The following BLCAP variants were observed in gnomAD, a reference collection of about 807,000 sequenced individuals.
BLCAP encodes the protein BLCAP apoptosis inducing factor.
Under a neutral mutation model 5.7 loss-of-function variants are expected in BLCAP, and 1 was observed. That is an observed-to-expected ratio of 0.18 (90% CI 0.06 to 0.83). The LOEUF is 0.83. Ranked by LOEUF, BLCAP falls within the 40% of genes least tolerant of loss-of-function variation. The pLI is 0.71. For missense variants in BLCAP, 66 were observed against 107.6 expected (o/e 0.61, Z 1.71); for synonymous variants, 48 against 49.4 (o/e 0.97, Z 0.11).
At position 37,521,337 on chromosome 20, in the gene BLCAP, G is replaced by C. The variant is rs1158612264; in HGVS notation, c.-176-1987C>G. On this transcript the variant is annotated intron_variant, in intron 1 of 1. Transcript: ENST00000373537. This position sits in a 1 kb window ranked among gnomAD's most constrained non-coding sequence, Gnocchi z 4.5. Reference sequence around the variant, plus strand: ...CACCTACCATTCTTGGAACCATGGCGGCAGTGGCGGCGGCCTCGGCTGAAC... The same window carrying C: ...CACCTACCATTCTTGGAACCATGGCCGCAGTGGCGGCGGCCTCGGCTGAAC... 5.6e-6 allele frequency: 9 copies of C among 1,613,910 alleles called. No individual in the cohort carries two copies. The highest frequency in any genetic ancestry group is 6.8e-6 in the Non-Finnish European group (8 of 1,179,930).
chr20:37,527,360 T>TC lies in BLCAP; in HGVS notation c.-177+432dup, dbSNP rs1315502205. On this transcript the variant is annotated intron_variant, in intron 1 of 1. Coordinates refer to ENST00000373537, the MANE Select transcript of BLCAP (RefSeq NM_006698.4). ...CCCCTCACCCCCACGTCCCCCCACC[T>TC]CCCCCCCAAAAAAGCAACTAAAGCA... 4.8e-3 allele frequency among the ~76,000 whole-genome samples: 204 copies of TC among 42,824 alleles called. 1 individual carries two copies. Among genetic ancestry groups the TC allele is most frequent in the African/African-American group, 0.016 (185 of 11,832 alleles). The allele number at this position is 42,824 out of a possible 152,430, so 28.1% of individuals were successfully genotyped here.
intron 1 of BLCAP, chr20:37,523,734 T>TA (rs1379127934): frequency 2.0e-5 from 3 of 152,552 alleles, no homozygotes; most frequent in African/African-American, 7.2e-5. Context: ...CATACACTTC[T>TA]AAGACTCAGC....
intron 1 of BLCAP, among the ~76,000 whole-genome samples, chr20:37,524,786 G>A (rs2071691256): frequency 6.6e-6 from 1 of 152,090 alleles, no homozygotes; most frequent in Non-Finnish European, 1.5e-5. Flanking sequence ...ACTTCATTCG[G>A]TATCAGAGAA....
intron 1 of BLCAP, chr20:37,526,553 T>C (rs778148065): frequency 6.6e-6 from 1 of 152,114 alleles, no homozygotes; most frequent in East Asian, 1.9e-4. Flanking sequence ...GCGTGGTTCT[T>C]GGTATATCGC....
chr20:37,518,902 G>T lies in BLCAP; in HGVS notation c.*9C>A, dbSNP rs894761562. The T allele has an allele frequency of 4.3e-6, 7 of 1,613,786 alleles. No homozygotes were observed. The highest frequency in any genetic ancestry group is 5.9e-6 in the Non-Finnish European group (7 of 1,179,892). ...TTCTGCTTCCTTGGAAAGCTAACAG[G>T]GCAGGCCGTTAGGTGCCCACAACGC... On this transcript the variant is annotated 3_prime_UTR_variant, in exon 2 of 2. Coordinates refer to ENST00000373537, the MANE Select transcript of BLCAP (RefSeq NM_006698.4).
At chr20:37,520,163 G>A (rs1039593146) in intron 1 of BLCAP, 2 of 152,260 alleles carry the variant, frequency 1.3e-5, no homozygotes, top group African/African-American at 4.8e-5. Flanking sequence ...AATGCCAGTT[G>A]GTCCCTGGGC....
rs977126479 is a variant in BLCAP at position 37,518,399 on chromosome 20, A to C, written c.*512T>G. On this transcript the variant is annotated 3_prime_UTR_variant, in exon 2 of 2. Coordinates refer to ENST00000373537, the MANE Select transcript of BLCAP (RefSeq NM_006698.4). ...TCTCGGGCGTCAGCAATCTCTTCAAATTCGAGATAAGTGCAAAAATGAGCC... is the reference window on the plus strand; with the variant it reads ...TCTCGGGCGTCAGCAATCTCTTCAACTTCGAGATAAGTGCAAAAATGAGCC... The C allele has an allele frequency of 6.5e-6, 1 of 153,258 alleles. No homozygotes were observed. The highest frequency in any genetic ancestry group is 6.5e-5 in the Admixed American group (1 of 15,312). The allele number at this position is 153,258 out of a possible 1,614,324, so 9.5% of individuals were successfully genotyped here.
intron 1 of BLCAP, among the ~76,000 whole-genome samples, chr20:37,522,140 AG>A (rs1461581633): frequency 2.7e-5 from 4 of 149,916 alleles, no homozygotes; most frequent in Non-Finnish European, 5.9e-5. Flanking sequence ...GAAAAATAGA[AG>A]GGGAAAAAAA....
At chr20:37,524,847 C>A (rs2071692130) in intron 1 of BLCAP, among the ~76,000 whole-genome samples, 1 of 152,154 alleles carries the variant, frequency 6.6e-6, no homozygotes. Context: ...ACTTTGCCAT[C>A]AATCAGCCTA....
chr20:37,526,290 A>ACCCCCCCCC (rs1215801743), intron 1 of BLCAP, among the ~76,000 whole-genome samples: 1 of 65,626 alleles, frequency 1.5e-5, no homozygotes, highest in Non-Finnish European at 3.2e-5. Context: ...CACCGCCCCC[A>ACCCCCCCCC]CCCCCCCTCA....
At chr20:37,527,686 G>A (rs2071748451) in intron 1 of BLCAP, 107 bp downstream of exon 1, 1 of 152,458 alleles carries the variant, frequency 6.6e-6, no homozygotes, top group Non-Finnish European at 1.5e-5. Context: ...GAAAACCCCA[G>A]TGACGGGGAC....
chr20:37,527,557 G>A (rs780082510), intron 1 of BLCAP: 1 of 152,334 alleles, frequency 6.6e-6, no homozygotes, highest in Non-Finnish European at 1.5e-5. Context: ...CCAGCACCCA[G>A]GAGTACTATG....
At chr20:37,527,590 G>A (rs1227690623) in intron 1 of BLCAP, 1 of 152,374 alleles carries the variant, frequency 6.6e-6, no homozygotes, top group Non-Finnish European at 1.5e-5. Context: ...GCTGGGAAGG[G>A]ACCCCCCAAG....
In BLCAP at chr20:37,518,289, T is replaced by C. The variant is rs1300034093; in HGVS notation, c.*622A>G. The C allele has an allele frequency of 1.3e-5, 2 of 152,094 alleles. No homozygotes were observed. Among genetic ancestry groups the C allele is most frequent in the South Asian group, 4.2e-4 (2 of 4,818 alleles). 9.4% of individuals were successfully genotyped at this position (152,094 alleles called of 1,614,324 possible). ...TTTCTTAAAAATGAAGTGGAGAAAA[T>C]ACTGAAGATTTGTGGACAACTAACA... On this transcript the variant is annotated 3_prime_UTR_variant, in exon 2 of 2. Coordinates refer to ENST00000373537, the MANE Select transcript of BLCAP (RefSeq NM_006698.4).
At chr20:37,522,258 C>A in intron 1 of BLCAP, 1 of 770,136 alleles carries the variant, frequency 1.3e-6, no homozygotes, top group Non-Finnish European at 2.1e-6. Context: ...CAGAAGAAAG[C>A]GCTTTGCCCA....
At position 37,519,209 on chromosome 20, in the gene BLCAP, C is replaced by T. The variant is rs1383432597; in HGVS notation, c.-35G>A. ...CGGGCAGGGCCTTCACCAAGGCTGC[C>T]GGGCACCGCTGCAGGAACCGACCTA... On this transcript the variant is annotated 5_prime_UTR_variant, in exon 2 of 2. Transcript: ENST00000373537. 6.5e-7 allele frequency: 1 copy of T among 1,544,700 alleles called. No homozygotes were observed. Among genetic ancestry groups the T allele is most frequent in the Non-Finnish European group, 8.7e-7 (1 of 1,143,068 alleles).
chr20:37,517,948 T>C lies in BLCAP; in HGVS notation c.*963A>G, dbSNP rs1601082141. The C allele has an allele frequency of 6.6e-6, 1 of 152,590 alleles. No individual in the cohort carries two copies. The highest frequency in any genetic ancestry group is 1.9e-4 in the East Asian group (1 of 5,180). The allele number at this position is 152,590 out of a possible 1,614,324, so 9.5% of individuals were successfully genotyped here. A position where few individuals can be genotyped will look rare whatever the true frequency, so the allele number is the denominator to read the frequency against. ...AAAATCAGACCACGTTCGATAAAGCTTCTTTAAAAGGAATATACACATGTA... is the reference window on the plus strand; with the variant it reads ...AAAATCAGACCACGTTCGATAAAGCCTCTTTAAAAGGAATATACACATGTA... On this transcript the variant is annotated 3_prime_UTR_variant, in exon 2 of 2. Coordinates refer to ENST00000373537, the MANE Select transcript of BLCAP (RefSeq NM_006698.4).
chr20:37,526,860 G>T (rs530885597), intron 1 of BLCAP: 8 of 152,306 alleles, frequency 5.3e-5, no homozygotes, highest in African/African-American at 1.7e-4. Context: ...ACTTAAGCTG[G>T]AACTTTTTTT....
chr20:37,527,404 G>A (rs938778443), intron 1 of BLCAP, among the ~76,000 whole-genome samples: 86 of 151,038 alleles, frequency 5.7e-4, no homozygotes, highest in Non-Finnish European at 1.1e-3. Flanking sequence ...AAACTGATGG[G>A]GACAGAATGA....
Sources: gnomAD v4.1 joint callset for allele counts (sites outside exome capture counted in the v4.1 genomes callset) on GRCh38, gnomAD v4.1.1 for gene constraint, Gnocchi (gnomAD v3.1) non-coding constraint, MANE v1.5 for transcripts, NCBI Gene and HGNC (gene_info 2026-07-23, HGNC 2026-07-21) for gene names.